The following RASA1 variants were observed in gnomAD, a reference collection of about 807,000 sequenced individuals.
The protein encoded by RASA1 is RAS p21 protein activator 1, also known as ras GTPase-activating protein 1.
RASA1 carries 25 observed loss-of-function variants against 132.2 expected under a neutral mutation model. The observed-to-expected ratio is 0.19, with a 90% confidence interval of 0.14 to 0.26. The LOEUF (loss-of-function observed/expected upper bound fraction) is 0.26. Ranked by LOEUF, RASA1 falls within the 10% of genes least tolerant of loss-of-function variation. The pLI, the probability that RASA1 is intolerant of heterozygous loss-of-function variation, is 1.00. For synonymous variants in RASA1, 477 were observed against 449.9 expected, an observed-to-expected ratio of 1.06 and a Z score of -0.76; for missense variants, 964 against 1,299.2, an observed-to-expected ratio of 0.74 and a Z score of 3.97.
chr5:87,351,411 A>C (rs1020676711), intron 8 of RASA1, among the ~76,000 whole-genome samples: 3 of 151,790 alleles, frequency 2.0e-5, no homozygotes, highest in African/African-American at 7.2e-5. Context: ...ATGAGAGTTC[A>C]GTGGGGGGTG....
chr5:87,301,524 A>G (rs1198280138), intron 1 of RASA1, among the ~76,000 whole-genome samples: 1 of 152,090 alleles, frequency 6.6e-6, no homozygotes, highest in East Asian at 1.9e-4. Context: ...CCTGAAAAAC[A>G]AAATTCTAAC....
intron 1 of RASA1, among the ~76,000 whole-genome samples, chr5:87,285,225 G>A (rs143575061): frequency 0.03 from 4,488 of 151,668 alleles, 100 homozygotes; most frequent in Non-Finnish European, 0.045. Flanking sequence ...GTGCCACCAC[G>A]CCCAGCTAAT....
intron 1 of RASA1, among the ~76,000 whole-genome samples, chr5:87,328,998 A>T (rs1313678953): frequency 6.6e-6 from 1 of 152,166 alleles, no homozygotes; most frequent in Non-Finnish European, 1.5e-5. Context: ...CATAATCAAG[A>T]ATTGACATGT....
chr5:87,337,574 A>G (rs779691626), intron 4 of RASA1, among the ~76,000 whole-genome samples: 1 of 152,100 alleles, frequency 6.6e-6, no homozygotes, highest in East Asian at 1.9e-4. Context: ...TTTTGATTTT[A>G]TATCTACCCT....
At chr5:87,346,942 T>C (rs1758907639) in intron 7 of RASA1, among the ~76,000 whole-genome samples, 1 of 152,004 alleles carries the variant, frequency 6.6e-6, no homozygotes, top group Non-Finnish European at 1.5e-5. Flanking sequence ...CCCAGGCCCC[T>C]GTCCACTTCC....
chr5:87,378,581 A>T (rs1276975733), intron 18 of RASA1, 43 bp downstream of exon 18: 1 of 1,534,488 alleles, frequency 6.5e-7, no homozygotes, highest in Non-Finnish European at 9.0e-7. Flanking sequence ...CAAAGAACAT[A>T]TTTTAATAGG....
At chr5:87,285,692 A>C (rs1354480796) in intron 1 of RASA1, among the ~76,000 whole-genome samples, 1 of 143,384 alleles carries the variant, frequency 7.0e-6, no homozygotes, top group Non-Finnish European at 1.5e-5. Flanking sequence ...ATCTTGGCTC[A>C]CTGCAACCCT....
intron 1 of RASA1, among the ~76,000 whole-genome samples, chr5:87,315,247 G>A (rs1166645601): frequency 6.6e-6 from 1 of 152,134 alleles, no homozygotes; most frequent in Admixed American, 6.5e-5. Flanking sequence ...TACAATTTTG[G>A]ATGCTGGGAA....
At chr5:87,376,626 TAA>T in intron 16 of RASA1, 61 bp downstream of exon 16, 2 of 1,552,694 alleles carry the variant, frequency 1.3e-6, no homozygotes, top group Non-Finnish European at 1.8e-6. Flanking sequence ...TAACATTTAA[TAA>T]AAGATCCATT....
chr5:87,376,835 T>A (rs760252122), intron 16 of RASA1, 46 bp from the exon 17 acceptor site: 37 of 1,531,544 alleles, frequency 2.4e-5, no homozygotes, highest in Non-Finnish European at 3.2e-5. Flanking sequence ...TGGAGCATGC[T>A]TATAATGCTA....
chr5:87,376,662 C>CT (rs2112491381), intron 16 of RASA1, 97 bp downstream of exon 16: 2 of 1,420,900 alleles, frequency 1.4e-6, no homozygotes, highest in East Asian at 4.9e-5. Flanking sequence ...TAATTCATAG[C>CT]TTAGTAGCAC....
chr5:87,379,411 G>A (rs1452864902), intron 18 of RASA1, among the ~76,000 whole-genome samples: 1 of 152,024 alleles, frequency 6.6e-6, no homozygotes, highest in South Asian at 2.1e-4. Flanking sequence ...TCTGCCTAAG[G>A]CATTTGATAT....
chr5:87,298,411 T>TC (rs1362740284), intron 1 of RASA1, among the ~76,000 whole-genome samples: 1 of 119,810 alleles, frequency 8.3e-6, no homozygotes, highest in Non-Finnish European at 1.7e-5. Context: ...AGACTCTGTC[T>TC]CAAAAAAAAA....
intron 24 of RASA1, 58 bp from the exon 25 acceptor site, chr5:87,390,742 A>G (rs894806175): frequency 7.0e-7 from 1 of 1,423,482 alleles, no homozygotes; most frequent in African/African-American, 1.4e-5. Context: ...CCAGGTTCCC[A>G]TCCTGAAATT....
In RASA1 at chr5:87,369,817, A is replaced by C; in HGVS notation, c.1615A>C (p.Asn539His). ...ATTTTTGTTTTTATTTTAAAGGCCA[A>C]ACTGTTTTCAGATAGTAGTTCAGCA... is the stretch of plus-strand genomic sequence containing the variant. ...VVHDSLFGRP[N>H]CFQIVVQHFS... Residue 539 changes from asparagine to histidine, a missense_variant, in exon 12 of 25, where the codon AAC (asparagine) becomes CAC (histidine). Physicochemically the swap from Asn to His is moderately conservative, Grantham distance 68. Coordinates refer to ENST00000274376, the MANE Select transcript of RASA1 (RefSeq NM_002890.3). 1 of 1,610,632 alleles carries C rather than the reference A, an allele frequency of 6.2e-7. No individual in the cohort carries two copies. The highest frequency in any genetic ancestry group is 8.5e-7 in the Non-Finnish European group (1 of 1,177,808).
In RASA1 at chr5:87,273,700, C is replaced by CT. The variant is rs539277152; in HGVS notation, c.539+4725dup. Among the ~76,000 whole-genome samples the CT allele has an allele frequency of 1.9e-3, 264 of 138,360 alleles. 1 individual carries two copies. Among genetic ancestry groups the CT allele is most frequent in the Middle Eastern group, 7.6e-3 (2 of 264 alleles). 90.8% of individuals were successfully genotyped at this position (138,360 alleles called of 152,430 possible). ...AGAGATTTCTTTTCTTTTTCTTTTT[C>CT]TTTTTTTTTTTTTTTGAGATGGAGT... On this transcript the variant is annotated intron_variant, in intron 1 of 24. Transcript: ENST00000274376.
At chr5:87,273,834 G>T (rs1000694287) in intron 1 of RASA1, among the ~76,000 whole-genome samples, 14 of 151,646 alleles carry the variant, frequency 9.2e-5, no homozygotes, top group Admixed American at 2.0e-4. Context: ...AGTAGCCGGG[G>T]TTACAGGTAC....
chr5:87,309,115 ATACCAATTCTGT>A (rs1291076490), intron 1 of RASA1, among the ~76,000 whole-genome samples: 10 of 152,176 alleles, frequency 6.6e-5, no homozygotes. Flanking sequence ...TCTAGGGTCA[ATACCAATTCTGT>A]ATATATTGGT....
chr5:87,292,367 C>CTTTTTTT (rs76957126), intron 1 of RASA1, among the ~76,000 whole-genome samples: 5 of 120,232 alleles, frequency 4.2e-5, no homozygotes, highest in Non-Finnish European at 3.6e-5. Context: ...TGTTTACATT[C>CTTTTTTT]TTTTTTTTTT....
Sources: gnomAD v4.1 joint callset for allele counts (sites outside exome capture counted in the v4.1 genomes callset) on GRCh38, gnomAD v4.1.1 for gene constraint, MANE v1.5 for transcripts, NCBI Gene and HGNC (gene_info 2026-07-23, HGNC 2026-07-21) for gene names.